CTIF: variants seen among roughly 807,000 people sequenced by gnomAD.
The protein encoded by CTIF is CBP80/20-dependent translation initiation factor.
A neutral mutation model predicts 66.0 loss-of-function variants in CTIF; 21 were observed. That is an observed-to-expected ratio of 0.32 (90% CI 0.23 to 0.46). The LOEUF (loss-of-function observed/expected upper bound fraction) is 0.46, where lower values mean the gene tolerates loss of function less well. Ranked by LOEUF, CTIF falls within the 20% of genes least tolerant of loss-of-function variation. The pLI, the probability that CTIF is intolerant of heterozygous loss-of-function variation, is 1.00. For synonymous variants in CTIF, 345 were observed against 326.4 expected, an observed-to-expected ratio of 1.06 and a Z score of -0.62; for missense variants, 739 against 812.7, an observed-to-expected ratio of 0.91 and a Z score of 1.10.
chr18:48,812,156 G>A (rs577534025), intron 9 of CTIF, among the ~76,000 whole-genome samples: 8 of 152,232 alleles, frequency 5.3e-5, no homozygotes, highest in Admixed American at 1.3e-4. Flanking sequence ...TAGAGGCGGG[G>A]TTTCACCATG....
intron 10 of CTIF, among the ~76,000 whole-genome samples, chr18:48,838,165 T>A (rs910374477): frequency 1.3e-5 from 2 of 151,988 alleles, no homozygotes; most frequent in Non-Finnish European, 2.9e-5. Context: ...TTGGCATTAA[T>A]TAAAATCCAG....
chr18:48,662,570 TG>T (rs1399459815), intron 3 of CTIF: 1 of 151,092 alleles, frequency 6.6e-6, no homozygotes, highest in East Asian at 2.0e-4. Context: ...GCGGCTGGAG[TG>T]CCTGGCCCCT....
intron 7 of CTIF, among the ~76,000 whole-genome samples, chr18:48,717,184 A>C (rs2092289598): frequency 6.6e-6 from 1 of 152,138 alleles, no homozygotes; most frequent in Admixed American, 6.6e-5. Context: ...AGATCACCTG[A>C]GGTTCAGGGG....
At chr18:48,690,167 C>T (rs1362778714) in intron 6 of CTIF, among the ~76,000 whole-genome samples, 1 of 152,140 alleles carries the variant, frequency 6.6e-6, no homozygotes, top group East Asian at 1.9e-4. Context: ...CCACCCCACC[C>T]CGTCCTTCAC....
chr18:48,734,891 C>T (rs1000813976), intron 7 of CTIF, among the ~76,000 whole-genome samples: 1 of 152,196 alleles, frequency 6.6e-6, no homozygotes, highest in South Asian at 2.1e-4. Flanking sequence ...TTAAGATATA[C>T]TGAACAATTT....
chr18:48,685,491 G>A (rs929820490), intron 6 of CTIF, among the ~76,000 whole-genome samples: 1 of 151,714 alleles, frequency 6.6e-6, no homozygotes, highest in Non-Finnish European at 1.5e-5. Flanking sequence ...CCAAAGTGCT[G>A]GCATTACAGG....
intron 7 of CTIF, among the ~76,000 whole-genome samples, chr18:48,736,095 G>A (rs571385883): frequency 5.3e-5 from 8 of 152,280 alleles, no homozygotes; most frequent in East Asian, 1.9e-4. Flanking sequence ...TTACCAAGCC[G>A]CCTCTGGGTG....
chr18:48,593,881 T>G (rs1487443663), intron 1 of CTIF, among the ~76,000 whole-genome samples: 1 of 152,168 alleles, frequency 6.6e-6, no homozygotes, highest in Non-Finnish European at 1.5e-5. Flanking sequence ...CCAGGCCCAG[T>G]GATGCTGGGA....
intron 9 of CTIF, among the ~76,000 whole-genome samples, chr18:48,789,180 C>G (rs1414772560): frequency 1.3e-5 from 2 of 152,178 alleles, no homozygotes; most frequent in Non-Finnish European, 2.9e-5. Context: ...AGCCTCAAAT[C>G]ATTTTCTTCG....
chr18:48,665,310 T>C (rs1038429292), intron 5 of CTIF, among the ~76,000 whole-genome samples: 4 of 152,236 alleles, frequency 2.6e-5, no homozygotes, highest in African/African-American at 7.2e-5. Flanking sequence ...GATTTTACAC[T>C]GGCTTTTCTC....
At chr18:48,827,074 G>T (rs990692715) in intron 10 of CTIF, among the ~76,000 whole-genome samples, 1 of 152,174 alleles carries the variant, frequency 6.6e-6, no homozygotes, top group Non-Finnish European at 1.5e-5. Flanking sequence ...CATCTGGGTG[G>T]TAAAGAGAGG....
intron 7 of CTIF, among the ~76,000 whole-genome samples, chr18:48,713,640 C>T (rs1229054685): frequency 6.6e-6 from 1 of 152,042 alleles, no homozygotes; most frequent in African/African-American, 2.4e-5. Context: ...AAAGTATGTC[C>T]TGTGAGGAGT....
intron 6 of CTIF, among the ~76,000 whole-genome samples, chr18:48,686,275 T>C (rs11660569): frequency 0.25 from 38,296 of 152,158 alleles, 5,319 homozygotes; most frequent in African/African-American, 0.36. Context: ...TATAATCCAT[T>C]ACTATTATTT....
chr18:48,732,934 A>C (rs562081275), intron 7 of CTIF, among the ~76,000 whole-genome samples: 1 of 152,264 alleles, frequency 6.6e-6, no homozygotes, highest in Non-Finnish European at 1.5e-5. Context: ...CAGATATTTG[A>C]TCTACATCAC....
At chr18:48,703,549 T>G (rs1009310588) in intron 6 of CTIF, among the ~76,000 whole-genome samples, 3 of 152,270 alleles carry the variant, frequency 2.0e-5, no homozygotes, top group South Asian at 2.1e-4. Context: ...GAGAGAGAGA[T>G]AATAGACCTA....
At chr18:48,551,326 A>G (rs1466690305) in intron 1 of CTIF, among the ~76,000 whole-genome samples, 3 of 151,986 alleles carry the variant, frequency 2.0e-5, no homozygotes, top group Non-Finnish European at 4.4e-5. Context: ...CACCCAGTCT[A>G]TGGTGGCCTG....
chr18:48,837,477 G>A (rs1218436026), intron 10 of CTIF, among the ~76,000 whole-genome samples: 1 of 152,164 alleles, frequency 6.6e-6, no homozygotes, highest in African/African-American at 2.4e-5. Context: ...TGGGCTGGGG[G>A]AAGCACCTGA....
intron 1 of CTIF, among the ~76,000 whole-genome samples, chr18:48,576,367 G>T (rs1185087299): frequency 6.6e-6 from 1 of 152,232 alleles, no homozygotes; most frequent in Non-Finnish European, 1.5e-5. Flanking sequence ...CGGTAGCTGG[G>T]GAAGGGAGGC....
At chr18:48,790,822 A>T (rs2067776980) in intron 9 of CTIF, among the ~76,000 whole-genome samples, 1 of 152,112 alleles carries the variant, frequency 6.6e-6, no homozygotes, top group African/African-American at 2.4e-5. Context: ...GTCATAGGCC[A>T]CCTCGTGCTG....
Sources: gnomAD v4.1 joint callset for allele counts (sites outside exome capture counted in the v4.1 genomes callset) on GRCh38, gnomAD v4.1.1 for gene constraint, MANE v1.5 for transcripts, NCBI Gene and HGNC (gene_info 2026-07-23, HGNC 2026-07-21) for gene names.